WWOX: variants seen among roughly 807,000 people sequenced by gnomAD.
WWOX encodes the protein WW domain containing oxidoreductase.
WWOX carries 69 observed loss-of-function variants against 46.2 expected under a neutral mutation model. That is an observed-to-expected ratio of 1.49 (90% CI 1.23 to 1.82). The LOEUF (loss-of-function observed/expected upper bound fraction) is 1.82. Among genes scored for constraint, WWOX ranks in the 40% most tolerant of loss-of-function variants. The probability of loss-of-function intolerance (pLI) is 0.00; values close to 1 mark genes in which losing one functional copy is unlikely to be tolerated. For missense variants in WWOX, 919 were observed against 542.6 expected (o/e 1.69, Z -6.89); for synonymous variants, 359 against 202.6 (o/e 1.77, Z -6.56).
chr16:78,804,691 T>G lies in WWOX; in HGVS notation c.1056+371939T>G, dbSNP rs558731919. ...TAACTATCACTTTCAAATTTCTGTT[T>G]TTTTTCTAATTTAGTGCTTGATAGT... On this transcript the variant is annotated intron_variant, in intron 8 of 8. Transcript: ENST00000566780. Among the ~76,000 whole-genome samples, 18 of 152,376 alleles carry G rather than the reference T, an allele frequency of 1.2e-4. No homozygotes were observed. The South Asian group carries it at 3.5e-3, about 30-fold the overall frequency.
intron 8 of WWOX, among the ~76,000 whole-genome samples, chr16:78,531,924 C>G (rs2043632887): frequency 6.6e-6 from 1 of 152,134 alleles, no homozygotes; most frequent in Non-Finnish European, 1.5e-5. Context: ...CTTTTTCAGT[C>G]TCTTTCTCCC....
intron 8 of WWOX, among the ~76,000 whole-genome samples, chr16:79,195,860 A>T (rs756216747): frequency 2.6e-5 from 4 of 152,210 alleles, no homozygotes; most frequent in Admixed American, 6.5e-5. Flanking sequence ...TGAAAGGGGA[A>T]AGAACATTTC....
intron 8 of WWOX, among the ~76,000 whole-genome samples, chr16:78,912,929 A>G (rs2045149507): frequency 6.6e-6 from 1 of 151,986 alleles, no homozygotes; most frequent in Non-Finnish European, 1.5e-5. Flanking sequence ...GAGCAAGAGA[A>G]ACCTCGAAGG....
intron 8 of WWOX, among the ~76,000 whole-genome samples, chr16:79,151,299 T>C (rs4459555): frequency 0.36 from 54,243 of 152,138 alleles, 10,163 homozygotes; most frequent in East Asian, 0.52. Flanking sequence ...AAGGCGTTAT[T>C]CTTTGTGGTG....
In WWOX at chr16:79,121,949, C is replaced by T. The variant is rs188115388; in HGVS notation, c.1057-89659C>T. ...CCAGTAACCCTAAGATTGAACAAAACCCTACTTACGTGCTACGGATTTAAT... is the reference window on the plus strand; with the variant it reads ...CCAGTAACCCTAAGATTGAACAAAATCCTACTTACGTGCTACGGATTTAAT... On this transcript the variant is annotated intron_variant, in intron 8 of 8. Coordinates refer to ENST00000566780, the MANE Select transcript of WWOX (RefSeq NM_016373.4). 7.2e-5 allele frequency among the ~76,000 whole-genome samples: 11 copies of T among 152,256 alleles called. No homozygotes were observed. In the South Asian group the frequency reaches 1.2e-3, roughly 17 times the overall value.
intron 8 of WWOX, among the ~76,000 whole-genome samples, chr16:79,058,084 A>G (rs1020027669): frequency 6.6e-6 from 1 of 150,460 alleles, no homozygotes; most frequent in African/African-American, 2.5e-5. Flanking sequence ...GAGCTTAGCC[A>G]GAGTAGGAGA....
chr16:78,392,809 A>T (rs1324710053), intron 6 of WWOX, among the ~76,000 whole-genome samples: 1 of 152,130 alleles, frequency 6.6e-6, no homozygotes, highest in African/African-American at 2.4e-5. Context: ...AGTTTTCTTC[A>T]GGCCCAGCAC....
intron 8 of WWOX, among the ~76,000 whole-genome samples, chr16:79,078,828 G>C (rs115648812): frequency 0.017 from 2,586 of 152,176 alleles, 86 homozygotes; most frequent in African/African-American, 0.059. Flanking sequence ...TATCCCTAAC[G>C]GTTAAAGTGA....
intron 5 of WWOX, among the ~76,000 whole-genome samples, chr16:78,181,091 A>G (rs1483533141): frequency 2.0e-5 from 3 of 152,170 alleles, no homozygotes; most frequent in Non-Finnish European, 4.4e-5. Context: ...AGATAAATGT[A>G]TACTGAAAGA....
chr16:78,775,000 G>C (rs897544019), intron 8 of WWOX, among the ~76,000 whole-genome samples: 7 of 152,154 alleles, frequency 4.6e-5, no homozygotes, highest in Admixed American at 4.6e-4. Flanking sequence ...GAACTAGAAA[G>C]GTAGGTAAGT....
At chr16:78,691,399 G>A in intron 8 of WWOX, 1 of 652,000 alleles carries the variant, frequency 1.5e-6, no homozygotes, top group Admixed American at 2.3e-5. Context: ...CCTACAGGGT[G>A]CTTTAGAAAA....
At chr16:78,716,612 C>G (rs987019889) in intron 8 of WWOX, among the ~76,000 whole-genome samples, 1 of 152,054 alleles carries the variant, frequency 6.6e-6, no homozygotes, top group Non-Finnish European at 1.5e-5. Context: ...TCTGTGATAA[C>G]CCTCATCTCT....
intron 8 of WWOX, among the ~76,000 whole-genome samples, chr16:78,578,535 G>A (rs1027215429): frequency 6.6e-6 from 1 of 151,536 alleles, no homozygotes; most frequent in Non-Finnish European, 1.5e-5. Context: ...TGATTCACCT[G>A]CCTTGGCCTC....
At chr16:78,738,911 T>C (rs546558812) in intron 8 of WWOX, among the ~76,000 whole-genome samples, 3 of 152,176 alleles carry the variant, frequency 2.0e-5, no homozygotes, top group Admixed American at 1.3e-4. Flanking sequence ...GTAGTGCTGA[T>C]CATTTGCCTT....
intron 1 of WWOX, among the ~76,000 whole-genome samples, chr16:78,105,085 G>A (rs964380901): frequency 1.3e-5 from 2 of 152,238 alleles, no homozygotes; most frequent in African/African-American, 4.8e-5. Context: ...GTCTGGAGAT[G>A]CTTTCTGTTG....
chr16:78,561,718 G>A (rs188987919), intron 8 of WWOX, among the ~76,000 whole-genome samples: 8 of 152,304 alleles, frequency 5.3e-5, no homozygotes, highest in African/African-American at 1.7e-4. Context: ...TAGGTAGAGC[G>A]CCTTATAGGG....
At chr16:78,851,440 G>C (rs898633674) in intron 8 of WWOX, among the ~76,000 whole-genome samples, 11 of 152,190 alleles carry the variant, frequency 7.2e-5, no homozygotes, top group Admixed American at 5.2e-4. Flanking sequence ...TTATTTAATT[G>C]GCAAATGATT....
chr16:78,868,341 C>G (rs184277519), intron 8 of WWOX, among the ~76,000 whole-genome samples: 55 of 151,854 alleles, frequency 3.6e-4, no homozygotes, highest in African/African-American at 1.2e-3. Context: ...ACTCTATAGA[C>G]AGCAAACAGA....
At chr16:78,848,225 C>G (rs148583173) in intron 8 of WWOX, among the ~76,000 whole-genome samples, 1 of 152,172 alleles carries the variant, frequency 6.6e-6, no homozygotes, top group African/African-American at 2.4e-5. Flanking sequence ...ATACGGAAAA[C>G]AAGTAAGAGT....
Sources: gnomAD v4.1 joint callset for allele counts (sites outside exome capture counted in the v4.1 genomes callset) on GRCh38, gnomAD v4.1.1 for gene constraint, MANE v1.5 for transcripts, NCBI Gene and HGNC (gene_info 2026-07-23, HGNC 2026-07-21) for gene names.